The following ABTB3 variants were observed in gnomAD, a reference collection of about 807,000 sequenced individuals.
ABTB3 encodes the protein ankyrin repeat and BTB domain containing 3.
chr12:107,323,820 G>A, the ABTB3 span, among the ~76,000 whole-genome samples: 4 of 152,202 alleles, frequency 2.6e-5, no homozygotes, highest in Admixed American at 2.6e-4. Context: ...ATATCACTCA[G>A]CACAGTGCCT....
chr12:107,325,642 A>G, the ABTB3 span, among the ~76,000 whole-genome samples: 1 of 152,220 alleles, frequency 6.6e-6, no homozygotes, highest in Non-Finnish European at 1.5e-5. Context: ...TGAACTTTGA[A>G]TAGAAGGAAG....
chr12:107,651,738 C>T, the ABTB3 span: 85 of 1,613,990 alleles, frequency 5.3e-5, no homozygotes, highest in South Asian at 1.9e-4. Flanking sequence ...ATTATCTGTG[C>T]GAAAAGCATC....
the ABTB3 span, among the ~76,000 whole-genome samples, chr12:107,367,155 G>C: frequency 2.0e-5 from 3 of 152,182 alleles, no homozygotes; most frequent in African/African-American, 4.8e-5. Context: ...GCCTTCCCCG[G>C]ATCACAGTGA....
At chr12:107,331,917 C>T in the ABTB3 span, among the ~76,000 whole-genome samples, 9 of 152,324 alleles carry the variant, frequency 5.9e-5, no homozygotes, top group East Asian at 1.7e-3. Flanking sequence ...CACCTGGGTC[C>T]GCTGGCTGCT....
the ABTB3 span, among the ~76,000 whole-genome samples, chr12:107,633,293 C>G: frequency 6.6e-6 from 1 of 152,258 alleles, no homozygotes; most frequent in East Asian, 1.9e-4. Context: ...GGGCCCTCAC[C>G]AAACACCGAG....
the ABTB3 span, among the ~76,000 whole-genome samples, chr12:107,648,380 C>CCACACACACACACACACACACACACA: frequency 7.4e-3 from 1,031 of 140,086 alleles, 10 homozygotes; most frequent in African/African-American, 0.02. Context: ...GACCCCATCT[C>CCACACACACACACACACACACACACA]CACACACACA....
the ABTB3 span, among the ~76,000 whole-genome samples, chr12:107,546,051 C>T: frequency 6.6e-6 from 1 of 152,208 alleles, no homozygotes; most frequent in Non-Finnish European, 1.5e-5. Context: ...GATTCTTCTT[C>T]TCCTAGCATC....
chr12:107,534,257 T>C, the ABTB3 span, among the ~76,000 whole-genome samples: 1 of 145,066 alleles, frequency 6.9e-6, no homozygotes, highest in African/African-American at 2.5e-5. Context: ...CAAATAAAAA[T>C]GGAAACATAA....
chr12:107,590,634 C>T, the ABTB3 span, among the ~76,000 whole-genome samples: 1 of 152,168 alleles, frequency 6.6e-6, no homozygotes, highest in Non-Finnish European at 1.5e-5. Flanking sequence ...AGACAGTTTG[C>T]CAACACTTGG....
At chr12:107,439,845 G>A in the ABTB3 span, among the ~76,000 whole-genome samples, 3 of 152,050 alleles carry the variant, frequency 2.0e-5, no homozygotes, top group African/African-American at 7.2e-5. Flanking sequence ...TGTTTCTATT[G>A]GGTTTTGTTT....
At chr12:107,489,797 C>T in the ABTB3 span, among the ~76,000 whole-genome samples, 1 of 151,962 alleles carries the variant, frequency 6.6e-6, no homozygotes, top group African/African-American at 2.4e-5. Flanking sequence ...GGGTCTTGCT[C>T]TGTCAGTCAG....
chr12:107,394,842 T>C, the ABTB3 span, among the ~76,000 whole-genome samples: 1 of 152,200 alleles, frequency 6.6e-6, no homozygotes, highest in Admixed American at 6.5e-5. Flanking sequence ...TCTCTGCAAA[T>C]ACAAGCAGGC....
the ABTB3 span, among the ~76,000 whole-genome samples, chr12:107,363,468 A>G: frequency 1.3e-5 from 2 of 151,742 alleles, no homozygotes; most frequent in Non-Finnish European, 2.9e-5. Context: ...GAAAGAAAAC[A>G]TATAATTTGG....
At chr12:107,651,646 T>A in the ABTB3 span, 1 of 1,559,740 alleles carries the variant, frequency 6.4e-7, no homozygotes. Flanking sequence ...CCTCCCAGCC[T>A]CTAACAGACT....
At chr12:107,364,977 G>A in the ABTB3 span, among the ~76,000 whole-genome samples, 1 of 152,240 alleles carries the variant, frequency 6.6e-6, no homozygotes, top group Admixed American at 6.5e-5. Flanking sequence ...TGTCACAGTG[G>A]TTGCTCCAGT....
At chr12:107,437,921 G>C in the ABTB3 span, among the ~76,000 whole-genome samples, 2 of 152,070 alleles carry the variant, frequency 1.3e-5, no homozygotes, top group African/African-American at 4.8e-5. Flanking sequence ...GGGGGGTGGG[G>C]GTGGTTTGCC....
the ABTB3 span, chr12:107,319,378 G>A: frequency 1.3e-6 from 2 of 1,580,390 alleles, no homozygotes; most frequent in Non-Finnish European, 8.6e-7. Context: ...TAGCCAAAGA[G>A]GCGCAGCGCC....
At chr12:107,496,097 A>T in the ABTB3 span, among the ~76,000 whole-genome samples, 1 of 152,168 alleles carries the variant, frequency 6.6e-6, no homozygotes, top group Non-Finnish European at 1.5e-5. Context: ...TAGGATAAGC[A>T]CTGCCCTCCA....
At chr12:107,484,992 G>A in the ABTB3 span, among the ~76,000 whole-genome samples, 20 of 152,176 alleles carry the variant, frequency 1.3e-4, no homozygotes, top group African/African-American at 4.6e-4. Flanking sequence ...ATGATGTCCA[G>A]TAGATGTCCA....
Sources: gnomAD v4.1 joint callset for allele counts (sites outside exome capture counted in the v4.1 genomes callset) on GRCh38, gnomAD v4.1.1 for gene constraint, MANE v1.5 for transcripts, NCBI Gene and HGNC (gene_info 2026-07-23, HGNC 2026-07-21) for gene names.